IKBKE: variants seen among roughly 807,000 people sequenced by gnomAD.
The protein encoded by IKBKE is inhibitor of nuclear factor kappa-B kinase subunit epsilon.
Under a neutral mutation model 92.1 loss-of-function variants are expected in IKBKE, and 45 were observed. The observed-to-expected ratio is 0.49, with a 90% CI of 0.38 to 0.63. The LOEUF (loss-of-function observed/expected upper bound fraction) is 0.63. IKBKE is among the 20% of genes least tolerant of loss of function. The pLI is 0.00. For synonymous variants in IKBKE, 374 were observed against 380.3 expected (o/e 0.98, Z 0.19); for missense variants, 700 against 932.8 (o/e 0.75, Z 3.25).
intron 13 of IKBKE, among the ~76,000 whole-genome samples, 167 bp from the exon 14 acceptor site, chr1:206,484,830 G>A (rs1006486659): frequency 5.3e-5 from 8 of 152,148 alleles, no homozygotes; most frequent in Non-Finnish European, 7.4e-5. Flanking sequence ...CAGGGCCCTC[G>A]TCAGGATGGC....
chr1:206,481,098 C>A (rs577001604), intron 13 of IKBKE, among the ~76,000 whole-genome samples: 1 of 152,102 alleles, frequency 6.6e-6, no homozygotes, highest in Non-Finnish European at 1.5e-5. Flanking sequence ...AGAGAGAGAC[C>A]GGGCAGGAGG....
Position 206,477,759 on chromosome 1 carries a change from A to G in IKBKE, c.712A>G (p.Thr238Ala). Residue 238 changes from threonine to alanine, a missense_variant, in exon 8 of 22, where the codon ACC (threonine) becomes GCC (alanine). Physicochemically the swap from Thr to Ala is moderately conservative, Grantham distance 58 (BLOSUM62 0). Coordinates refer to ENST00000581977, the MANE Select transcript of IKBKE (RefSeq NM_014002.4). ...CCTTCCTCCCCGCAGGTACCGGATC[A>G]CCACGGAGAAGCCGGCTGGGGCCAT... ...RRNKEIMYRI[T>A]TEKPAGAIAG... 6.4e-7 allele frequency: 1 copy of G among 1,561,098 alleles called. No homozygotes were observed. The highest frequency in any genetic ancestry group is 8.7e-7 in the Non-Finnish European group (1 of 1,152,550).
rs1285622752 is a variant in IKBKE, at chr1:206,485,676, C to T, written c.1616+370C>T. 6.6e-6 allele frequency among the ~76,000 whole-genome samples: 1 copy of T among 152,188 alleles called. No individual in the cohort carries two copies. The highest frequency in any genetic ancestry group is 1.5e-5 in the Non-Finnish European group (1 of 68,040). ...TTGAATCCTGAAAACAATAATGATGCTATGATAATGCCCTTTTTATAGAAC... is the reference window on the plus strand; with the variant it reads ...TTGAATCCTGAAAACAATAATGATGTTATGATAATGCCCTTTTTATAGAAC... On this transcript the variant is annotated intron_variant, in intron 15 of 21. Transcript: ENST00000581977. This position sits in a 1 kb window ranked among gnomAD's most constrained non-coding sequence, Gnocchi z 5.0.
chr1:206,479,916 G>C lies in IKBKE; in HGVS notation c.1230G>C (p.Ala410=), dbSNP rs781825596. The change falls in exon 11 of 22, where the codon GCG becomes GCC. Residue 410 remains alanine (A), a synonymous_variant. Coordinates refer to ENST00000581977, the MANE Select transcript of IKBKE (RefSeq NM_014002.4). ...PKFVPKVDLQ[A]DYNTAKGVLG... is the part of the protein sequence containing the mutation. ...TCGTCCCCAAAGTGGACCTGCAGGC[G>C]GATTACAACACTGCCAAGGTGAGGG... The C allele has an allele frequency of 1.2e-6, 2 of 1,613,814 alleles. No homozygotes were observed. Among genetic ancestry groups the C allele is most frequent in the Non-Finnish European group, 8.5e-7 (1 of 1,179,954 alleles).
chr1:206,496,245 C>T lies in IKBKE; in HGVS notation c.*100C>T. ...CCCAGGGCAAGATCCCATCCCATCA[C>T]ATCAGCCTACCTCCCTCCTGGCTGC... is the stretch of plus-strand genomic sequence containing the variant. On this transcript the variant is annotated 3_prime_UTR_variant, in exon 22 of 22. Transcript: ENST00000581977. The T allele has an allele frequency of 1.0e-6, 1 of 952,422 alleles. No homozygotes were observed. The highest frequency in any genetic ancestry group is 1.7e-6 in the Non-Finnish European group (1 of 582,470). The allele number at this position is 952,422 out of a possible 1,614,324, so 59.0% of individuals were successfully genotyped here.
At position 206,487,945 on chromosome 1, in the gene IKBKE, A is replaced by G; in HGVS notation, c.1648A>G (p.Met550Val). 6.2e-7 allele frequency: 1 copy of G among 1,613,900 alleles called. No homozygotes were observed. Among genetic ancestry groups the G allele is most frequent in the Non-Finnish European group, 8.5e-7 (1 of 1,179,938 alleles). Reference sequence around the variant, plus strand: ...GCAGATTCAGTGCTGTTTGGACAAGATGAACTTCATCTACAAACAGTTCAA... The same window carrying G: ...GCAGATTCAGTGCTGTTTGGACAAGGTGAACTTCATCTACAAACAGTTCAA... ...IQQIQCCLDK[M>V]NFIYKQFKKS... Residue 550 changes from methionine (M) to valine (V), a missense_variant, in exon 16 of 22, where the codon ATG becomes GTG. Met to Val is a conservative substitution (Grantham distance 21). Coordinates refer to ENST00000581977, the MANE Select transcript of IKBKE (RefSeq NM_014002.4). The surrounding 1 kb of genome is among the most constrained non-coding windows in gnomAD (Gnocchi z 5.3).
rs1665591133 is a variant in IKBKE, at chr1:206,485,217, C to T, written c.1527C>T (p.Cys509=). The change falls in exon 15 of 22, where the codon TGC becomes TGT. Residue 509 remains cysteine (C), a synonymous_variant. Coordinates refer to ENST00000581977, the MANE Select transcript of IKBKE (RefSeq NM_014002.4). The surrounding 1 kb of genome is among the most constrained non-coding windows in gnomAD (Gnocchi z 5.0). ...AGCTAGCGGAGGTCCTCTCCAGATG[C>T]TCCCAAAATATCACGGAGACCCAGG... ...LRTLAEVLSR[C]SQNITETQES... 1 of 1,613,706 alleles carries T rather than the reference C, an allele frequency of 6.2e-7. No homozygotes were observed. The highest frequency in any genetic ancestry group is 8.5e-7 in the Non-Finnish European group (1 of 1,179,596).
chr1:206,473,362 C>A, intron 3 of IKBKE, 48 bp downstream of exon 3: 1 of 1,402,164 alleles, frequency 7.1e-7, no homozygotes. Flanking sequence ...CCTTGGCCCC[C>A]TCATGCCTCA....
At chr1:206,477,967 G>A in intron 8 of IKBKE, 108 bp downstream of exon 8, 2 of 896,594 alleles carry the variant, frequency 2.2e-6, no homozygotes, top group South Asian at 1.5e-5. Flanking sequence ...CGGGCATGCT[G>A]CAGGCTTGGG....
Position 206,475,131 on chromosome 1 carries a change from T to C in IKBKE, c.358+137T>C, listed in dbSNP as rs561709288. On this transcript the variant is annotated intron_variant, in intron 5 of 21. Transcript: ENST00000581977. ...ACTTAAAAATTAAACCTAAAAAAGA[T>C]TGTACACCAATGTTCACAGCAGCAT... The C allele has an allele frequency of 6.4e-5, 58 of 912,970 alleles. 1 individual carries two copies. In the East Asian group the frequency reaches 1.5e-3, roughly 23 times the overall value. The allele number at this position is 912,970 out of a possible 1,614,324, so 56.6% of individuals were successfully genotyped here.
chr1:206,473,960 CAAAAAA>C (rs58205740), intron 3 of IKBKE, among the ~76,000 whole-genome samples: 1 of 62,232 alleles, frequency 1.6e-5, no homozygotes. Context: ...GGCTCCGTCT[CAAAAAA>C]AAAAAAAAAA....
Position 206,481,113 on chromosome 1 carries a change from C to T in IKBKE, c.1427+580C>T, listed in dbSNP as rs573132374. ...AGAGAGAGACCGGGCAGGAGGAAGCCAAGTGGAAGGGTCTGGAGATGGGGA... is the reference window on the plus strand; with the variant it reads ...AGAGAGAGACCGGGCAGGAGGAAGCTAAGTGGAAGGGTCTGGAGATGGGGA... On this transcript the variant is annotated intron_variant, in intron 13 of 21. Transcript: ENST00000581977. Among the ~76,000 whole-genome samples, 9 of 152,250 alleles carry T rather than the reference C, an allele frequency of 5.9e-5. No individual in the cohort carries two copies. The East Asian group carries it at 1.7e-3, about 29-fold the overall frequency.
Position 206,477,831 on chromosome 1 carries a change from A to G in IKBKE, c.784A>G (p.Thr262Ala). 6.4e-7 allele frequency: 1 copy of G among 1,555,818 alleles called. No individual in the cohort carries two copies. Among genetic ancestry groups the G allele is most frequent in the Non-Finnish European group, 8.7e-7 (1 of 1,149,674 alleles). Reference sequence around the variant, plus strand: ...GAACGGGCCCCTGGAGTGGAGCTACACCCTCCCCATCACCTGCCAGCTGTC... The same window carrying G: ...GAACGGGCCCCTGGAGTGGAGCTACGCCCTCCCCATCACCTGCCAGCTGTC... ...RENGPLEWSY[T>A]LPITCQLSLG... The change falls in exon 8 of 22, where the codon ACC becomes GCC. Residue 262 changes from threonine to alanine, a missense_variant. Transcript: ENST00000581977.
chr1:206,474,206 A>G, intron 3 of IKBKE, 125 bp from the exon 4 acceptor site: 2 of 876,382 alleles, frequency 2.3e-6, no homozygotes, highest in South Asian at 3.3e-5. Flanking sequence ...CAACCAGGCT[A>G]ATCTCTGGGG....
chr1:206,486,499 T>G (rs988957762), intron 15 of IKBKE, among the ~76,000 whole-genome samples: 1 of 151,240 alleles, frequency 6.6e-6, no homozygotes, highest in Non-Finnish European at 1.5e-5. Flanking sequence ...GGCCCCATCC[T>G]TTTGGATGAA....
chr1:206,486,025 C>T (rs1665640630), intron 15 of IKBKE, among the ~76,000 whole-genome samples: 2 of 152,256 alleles, frequency 1.3e-5, no homozygotes, highest in South Asian at 4.1e-4. Context: ...ATCCCATGGC[C>T]TCAATTCTAA....
chr1:206,489,103 G>T (rs1553389531), intron 16 of IKBKE, among the ~76,000 whole-genome samples: 1 of 151,558 alleles, frequency 6.6e-6, no homozygotes, highest in Non-Finnish European at 1.5e-5. Context: ...ACAATGGCAT[G>T]ATCACTGCTC....
At position 206,496,192 on chromosome 1, in the gene IKBKE, A is replaced by G. The variant is rs577950477; in HGVS notation, c.*47A>G. 4.0e-6 allele frequency: 6 copies of G among 1,514,268 alleles called. No homozygotes were observed. The highest frequency in any genetic ancestry group is 1.1e-5 in the South Asian group (1 of 89,256). 93.8% of individuals were successfully genotyped at this position (1,514,268 alleles called of 1,614,324 possible). A position where few individuals can be genotyped will look rare whatever the true frequency, so the allele number is the denominator to read the frequency against. ...ATCCTGAAGCATTAGAATGATTCCA[A>G]CACTGCTCTTCTGCACCATGAGACC... is the stretch of plus-strand genomic sequence containing the variant. On this transcript the variant is annotated 3_prime_UTR_variant, in exon 22 of 22. Coordinates refer to ENST00000581977, the MANE Select transcript of IKBKE (RefSeq NM_014002.4).
intron 7 of IKBKE, among the ~76,000 whole-genome samples, chr1:206,477,255 T>C (rs1323843808): frequency 1.3e-5 from 2 of 152,002 alleles, no homozygotes; most frequent in African/African-American, 4.8e-5. Flanking sequence ...CAGTAGCGGC[T>C]CCCTCTGAGT....
Sources: allele counts gnomAD v4.1 joint callset (sites outside exome capture counted in the v4.1 genomes callset), GRCh38; gene constraint gnomAD v4.1.1; non-coding constraint Gnocchi (gnomAD v3.1); transcripts MANE v1.5; gene names NCBI Gene and HGNC (gene_info 2026-07-23, HGNC 2026-07-21).